The following SLC8A1 variants were observed in gnomAD, a reference collection of about 807,000 sequenced individuals.
SLC8A1 encodes the protein sodium/calcium exchanger 1.
SLC8A1 carries 18 observed loss-of-function variants against 68.3 expected under a neutral mutation model. The ratio of observed to expected loss-of-function variants is 0.26; its 90% CI spans 0.18 to 0.39. SLC8A1 has a LOEUF of 0.39. Among genes scored for constraint, SLC8A1 ranks in the 10% least tolerant of loss-of-function variants. The probability of loss-of-function intolerance (pLI) is 1.00; values close to 1 mark genes in which losing one functional copy is unlikely to be tolerated. For synonymous variants in SLC8A1, 475 were observed against 415.5 expected, an observed-to-expected ratio of 1.14 and a Z score of -1.74; for missense variants, 985 against 1,156.7, an observed-to-expected ratio of 0.85 and a Z score of 2.15.
intron 2 of SLC8A1, chr2:40,213,074 A>C (rs2056890858): frequency 2.0e-5 from 3 of 152,202 alleles, no homozygotes; most frequent in Admixed American, 2.0e-4. Flanking sequence ...AAGTCTTCAT[A>C]ATTTAAAGAT....
At chr2:40,361,764 C>T (rs926091304) in intron 2 of SLC8A1, among the ~76,000 whole-genome samples, 3 of 151,894 alleles carry the variant, frequency 2.0e-5, no homozygotes, top group African/African-American at 7.3e-5. Flanking sequence ...GAAGGATTGC[C>T]TCTGCCCAAA....
intron 1 of SLC8A1, among the ~76,000 whole-genome samples, chr2:40,447,588 TAA>T (rs139695930): frequency 0.02 from 2,787 of 139,242 alleles, 72 homozygotes; most frequent in African/African-American, 0.053. Flanking sequence ...CAATCCAAGT[TAA>T]AAAAAAAAAA....
chr2:40,309,593 G>C (rs560223663), intron 2 of SLC8A1, among the ~76,000 whole-genome samples: 10 of 140,248 alleles, frequency 7.1e-5, no homozygotes, highest in African/African-American at 2.4e-4. Flanking sequence ...CATAATTTCT[G>C]CTCCCAGGTT....
At chr2:40,316,159 T>A (rs369755294) in intron 2 of SLC8A1, among the ~76,000 whole-genome samples, 47 of 152,202 alleles carry the variant, frequency 3.1e-4, no homozygotes, top group African/African-American at 1.1e-3. Flanking sequence ...CAATTGGTTG[T>A]GATCATGATC....
At chr2:40,372,496 C>G (rs968073520) in intron 2 of SLC8A1, among the ~76,000 whole-genome samples, 1 of 152,114 alleles carries the variant, frequency 6.6e-6, no homozygotes, top group African/African-American at 2.4e-5. Flanking sequence ...ACTACCATGG[C>G]AAACATCAAA....
At chr2:40,375,087 A>T (rs1053758406) in intron 2 of SLC8A1, among the ~76,000 whole-genome samples, 1 of 152,092 alleles carries the variant, frequency 6.6e-6, no homozygotes, top group Admixed American at 6.6e-5. Context: ...TGGATTAATC[A>T]CCAAAGACTG....
intron 2 of SLC8A1, among the ~76,000 whole-genome samples, chr2:40,397,814 C>T (rs1218441370): frequency 6.6e-6 from 1 of 152,174 alleles, no homozygotes; most frequent in Non-Finnish European, 1.5e-5. Flanking sequence ...CCAGCATTTG[C>T]ACAGACTTCT....
At chr2:40,178,566 AG>A (rs1458205996) in intron 2 of SLC8A1, 73 bp from the exon 3 acceptor site, 1 of 1,295,216 alleles carries the variant, frequency 7.7e-7, no homozygotes, top group Admixed American at 1.9e-5. Context: ...AGAAGAGGAA[AG>A]CAAGGTTAAC....
At chr2:40,505,604 C>A (rs1474223424) in intron 1 of SLC8A1, among the ~76,000 whole-genome samples, 1 of 151,924 alleles carries the variant, frequency 6.6e-6, no homozygotes, top group East Asian at 1.9e-4. Flanking sequence ...TACACACCTA[C>A]AAATACTCAA....
intron 2 of SLC8A1, among the ~76,000 whole-genome samples, chr2:40,230,426 T>A (rs1017538231): frequency 2.0e-5 from 3 of 152,132 alleles, no homozygotes; most frequent in Non-Finnish European, 4.4e-5. Context: ...GCTTTCATTA[T>A]AACAGCCACA....
intron 2 of SLC8A1, among the ~76,000 whole-genome samples, chr2:40,240,205 A>G (rs866245080): frequency 3.3e-5 from 5 of 152,210 alleles, no homozygotes; most frequent in Non-Finnish European, 5.9e-5. Flanking sequence ...ATCCCTAGAT[A>G]CAGAGAGTAC....
intron 2 of SLC8A1, among the ~76,000 whole-genome samples, chr2:40,323,703 C>T (rs922594760): frequency 6.6e-5 from 10 of 151,976 alleles, no homozygotes; most frequent in Non-Finnish European, 1.2e-4. Context: ...GGAAATACAA[C>T]AAAAACAAAC....
intron 2 of SLC8A1, among the ~76,000 whole-genome samples, chr2:40,183,672 C>G (rs1286445770): frequency 1.3e-5 from 2 of 152,146 alleles, no homozygotes; most frequent in African/African-American, 4.8e-5. Flanking sequence ...AGGCACCAAT[C>G]TAGAGTGGAC....
intron 2 of SLC8A1, among the ~76,000 whole-genome samples, chr2:40,400,248 C>A (rs112476362): frequency 0.012 from 1,774 of 152,206 alleles, 31 homozygotes; most frequent in African/African-American, 0.04. Context: ...GTTTTGTCTG[C>A]GGCTTGTCCT....
chr2:40,355,661 A>C (rs1188325512), intron 2 of SLC8A1, among the ~76,000 whole-genome samples: 1 of 152,126 alleles, frequency 6.6e-6, no homozygotes, highest in Admixed American at 6.6e-5. Context: ...CCAGGTCACT[A>C]AGCCAGTCAA....
chr2:40,167,242 C>G (rs767182316), intron 4 of SLC8A1, among the ~76,000 whole-genome samples: 3 of 152,138 alleles, frequency 2.0e-5, no homozygotes, highest in Non-Finnish European at 2.9e-5. Context: ...TAACTAGTTC[C>G]TAGTATCTCG....
At chr2:40,451,786 A>ACACACACACACACAC in intron 1 of SLC8A1, 118 bp downstream of exon 1, 1 of 101,940 alleles carries the variant, frequency 9.8e-6, no homozygotes, top group Admixed American at 1.0e-4. Flanking sequence ...CACACACACA[A>ACACACACACACACAC]ATTTAGAAGC....
chr2:40,314,073 T>A (rs2074111982), intron 2 of SLC8A1, among the ~76,000 whole-genome samples: 1 of 152,124 alleles, frequency 6.6e-6, no homozygotes, highest in African/African-American at 2.4e-5. Context: ...ATCTAGGAAA[T>A]CTTTGCCTAA....
intron 2 of SLC8A1, among the ~76,000 whole-genome samples, chr2:40,193,949 A>T (rs977206003): frequency 1.3e-5 from 2 of 152,108 alleles, no homozygotes; most frequent in Admixed American, 1.3e-4. Flanking sequence ...CTTTTCTGAA[A>T]TTTCTCCTTC....
Sources: allele counts gnomAD v4.1 joint callset (sites outside exome capture counted in the v4.1 genomes callset), GRCh38; gene constraint gnomAD v4.1.1; transcripts MANE v1.5; gene names NCBI Gene and HGNC (gene_info 2026-07-23, HGNC 2026-07-21).